Variants in ADAM7 observed in about 807,000 individuals in gnomAD.
ADAM7 encodes ADAM metallopeptidase domain 7.
A neutral mutation model predicts 102.9 loss-of-function variants in ADAM7; 97 were observed. The ratio of observed to expected loss-of-function variants is 0.94; its 90% CI spans 0.80 to 1.12. The LOEUF (loss-of-function observed/expected upper bound fraction) is 1.12. Ranked by LOEUF, ADAM7 falls within the 50% of genes most tolerant of loss-of-function variation. The pLI is 0.00. For missense variants in ADAM7, 991 were observed against 908.7 expected (o/e 1.09, Z -1.16); for synonymous variants, 334 against 304.4 (o/e 1.10, Z -1.01).
intron 17 of ADAM7, 113 bp from the exon 18 acceptor site, chr8:24,500,065 C>T (rs1585928185): frequency 1.6e-5 from 12 of 764,500 alleles, no homozygotes; most frequent in East Asian, 1.5e-4. Flanking sequence ...AAAAAGTTCG[C>T]GCTTGTGCTT....
chr8:24,478,882 T>G lies in ADAM7; in HGVS notation c.705+2378T>G, dbSNP rs755767549. 3.3e-5 allele frequency among the ~76,000 whole-genome samples: 5 copies of G among 152,192 alleles called. 1 individual carries two copies. The highest frequency in any genetic ancestry group is 1.3e-4 in the Admixed American group (2 of 15,274). Reference sequence around the variant, plus strand: ...TTTATGCCTGAAATGGTACACTTCCTCTTTTGCTAGGTCATTAACATGCGG... The same window carrying G: ...TTTATGCCTGAAATGGTACACTTCCGCTTTTGCTAGGTCATTAACATGCGG... On this transcript the variant is annotated intron_variant, in intron 8 of 21. Transcript: ENST00000175238.
At chr8:24,441,223 AC>A in intron 1 of ADAM7, 63 bp downstream of exon 1, 1 of 1,486,998 alleles carries the variant, frequency 6.7e-7, no homozygotes, top group Non-Finnish European at 9.4e-7. Flanking sequence ...CTCTTTAGTC[AC>A]AAACTTTAAA....
rs748480386 is a variant in ADAM7, at chr8:24,499,309, A to G, written c.1916A>G (p.Glu639Gly). The change falls in exon 17 of 22, where the codon GAA (glutamate) becomes GGA (glycine). Residue 639 changes from glutamate to glycine, a missense_variant. Glu to Gly is a moderately conservative substitution (Grantham distance 98). Transcript: ENST00000175238. ...ACCAATTGCCCCTCTCAGTGCAATG[A>G]AAATCCTGTAAGATATGACTGCTTT... ...ISTNCPSQCN[E>G]NPVDGHGLQC... The G allele has an allele frequency of 1.4e-5, 23 of 1,597,586 alleles. No homozygotes were observed. In the African/African-American group the frequency reaches 2.6e-4, roughly 18 times the overall value.
At chr8:24,487,445 G>C (rs1820180675) in intron 11 of ADAM7, 128 bp downstream of exon 11, 2 of 1,174,486 alleles carry the variant, frequency 1.7e-6, no homozygotes, top group Non-Finnish European at 1.1e-6. Context: ...TCAGGAGTTC[G>C]AGACCAGCCT....
At chr8:24,465,944 A>C (rs914262947) in intron 5 of ADAM7, among the ~76,000 whole-genome samples, 169 bp downstream of exon 5, 1 of 152,226 alleles carries the variant, frequency 6.6e-6, no homozygotes, top group Non-Finnish European at 1.5e-5. Flanking sequence ...TTACATTTTG[A>C]CAAAGAGATG....
intron 16 of ADAM7, 147 bp downstream of exon 16, chr8:24,493,376 C>T: frequency 1.5e-6 from 1 of 663,542 alleles, no homozygotes; most frequent in Non-Finnish European, 2.3e-6. Context: ...AGCAGAGTAG[C>T]AATAACACTG....
At chr8:24,447,446 C>G (rs1462744699) in intron 3 of ADAM7, among the ~76,000 whole-genome samples, 184 bp downstream of exon 3, 1 of 152,130 alleles carries the variant, frequency 6.6e-6, no homozygotes, top group Non-Finnish European at 1.5e-5. Context: ...AAGACAATCA[C>G]AGATGCCACT....
chr8:24,478,919 T>A (rs187964615), intron 8 of ADAM7, among the ~76,000 whole-genome samples: 121 of 152,310 alleles, frequency 7.9e-4, no homozygotes, highest in African/African-American at 2.9e-3. Flanking sequence ...ATTGGATTAA[T>A]CTGGTCAGAA....
intron 19 of ADAM7, among the ~76,000 whole-genome samples, chr8:24,501,103 C>T (rs1820744399): frequency 6.6e-6 from 1 of 152,074 alleles, no homozygotes; most frequent in Non-Finnish European, 1.5e-5. Flanking sequence ...TTGAAATCAC[C>T]AACAGGTCTT....
chr8:24,499,279 T>A lies in ADAM7; in HGVS notation c.1886T>A (p.Ile629Asn). ...GECLNMEKVY[I>N]STNCPSQCNE... ...TGTCTAAACATGGAAAAGGTCTATA[T>A]CTCAACCAATTGCCCCTCTCAGTGC... The change falls in exon 17 of 22, where the codon ATC becomes AAC. Residue 629 changes from isoleucine (I) to asparagine (N), a missense_variant. Coordinates refer to ENST00000175238, the MANE Select transcript of ADAM7 (RefSeq NM_003817.4). 1 of 1,608,454 alleles carries A rather than the reference T, an allele frequency of 6.2e-7. No homozygotes were observed. Among genetic ancestry groups the A allele is most frequent in the Non-Finnish European group, 8.5e-7 (1 of 1,177,716 alleles).
chr8:24,490,552 T>C, intron 12 of ADAM7: 1 of 407,966 alleles, frequency 2.5e-6, no homozygotes, highest in Non-Finnish European at 4.4e-6. Context: ...ATTATAAATG[T>C]TGGACTCTCT....
At chr8:24,472,323 A>T (rs1452007588) in intron 7 of ADAM7, among the ~76,000 whole-genome samples, 1 of 152,040 alleles carries the variant, frequency 6.6e-6, no homozygotes, top group Non-Finnish European at 1.5e-5. Flanking sequence ...TGTACAAATA[A>T]CATATTTGAA....
chr8:24,458,983 T>G (rs536260068), intron 3 of ADAM7, among the ~76,000 whole-genome samples: 3 of 152,066 alleles, frequency 2.0e-5, no homozygotes, highest in Non-Finnish European at 4.4e-5. Context: ...CTGATGGCTA[T>G]TCTGTGTTTT....
chr8:24,482,277 A>G lies in ADAM7; in HGVS notation c.841A>G (p.Thr281Ala). 6 of 1,611,460 alleles carry G rather than the reference A, an allele frequency of 3.7e-6. No individual in the cohort carries two copies. The highest frequency in any genetic ancestry group is 5.1e-6 in the Non-Finnish European group (6 of 1,179,216). ...FSFWQEKILK[T>A]RKDFDHVVLL... ...ATTTTGGCAAGAAAAGATCCTTAAA[A>G]CACGGAAGGATTTTGATCATGTTGT... The change falls in exon 9 of 22, where the codon ACA becomes GCA. Residue 281 changes from threonine to alanine, a missense_variant. Physicochemically the swap from Thr to Ala is moderately conservative, Grantham distance 58. Transcript: ENST00000175238.
chr8:24,468,035 G>A (rs1377869861), intron 6 of ADAM7, among the ~76,000 whole-genome samples: 1 of 151,930 alleles, frequency 6.6e-6, no homozygotes, highest in Non-Finnish European at 1.5e-5. Context: ...CACTGCACTC[G>A]ACTCTGGGCG....
At chr8:24,449,446 A>G (rs373986636) in intron 3 of ADAM7, among the ~76,000 whole-genome samples, 3 of 152,106 alleles carry the variant, frequency 2.0e-5, no homozygotes, top group Non-Finnish European at 4.4e-5. Context: ...CTGCATAAAT[A>G]TCTTCTTTTG....
chr8:24,492,364 A>C, intron 14 of ADAM7, 131 bp from the exon 15 acceptor site: 3 of 764,042 alleles, frequency 3.9e-6, no homozygotes, highest in Non-Finnish European at 6.2e-6. Flanking sequence ...GATAGTTTTT[A>C]AATAATTTAT....
At chr8:24,492,458 C>A (rs1197698173) in intron 14 of ADAM7, 37 bp from the exon 15 acceptor site, 7 of 1,409,726 alleles carry the variant, frequency 5.0e-6, no homozygotes, top group Non-Finnish European at 6.9e-6. Flanking sequence ...GATAGTCATG[C>A]TTTATTGTTT....
Position 24,492,947 on chromosome 8 carries a change from G to T in ADAM7, c.1656-96G>T, listed in dbSNP as rs1277472625. The stretch of plus-strand genomic sequence containing the variant: ...CCTCCTTAACTTGGCAAGAAACCTG[G>T]ATCTAGAAAAAGAGTGACCGGGAGG... On this transcript the variant is annotated intron_variant, in intron 15 of 21. Coordinates refer to ENST00000175238, the MANE Select transcript of ADAM7 (RefSeq NM_003817.4). 9 of 1,281,982 alleles carry T rather than the reference G, an allele frequency of 7.0e-6. No individual in the cohort carries two copies. The Admixed American group carries it at 1.8e-4, about 26-fold the overall frequency. The allele number at this position is 1,281,982 out of a possible 1,614,324, so 79.4% of individuals were successfully genotyped here. A position where few individuals can be genotyped will look rare whatever the true frequency, so the allele number is the denominator to read the frequency against.
Sources: gnomAD v4.1 joint callset for allele counts (sites outside exome capture counted in the v4.1 genomes callset) on GRCh38, gnomAD v4.1.1 for gene constraint, MANE v1.5 for transcripts, NCBI Gene and HGNC (gene_info 2026-07-23, HGNC 2026-07-21) for gene names.